The following MIER2 variants were observed in gnomAD, a reference collection of about 807,000 sequenced individuals.
The protein encoded by MIER2 is MIER family member 2.
A neutral mutation model predicts 67.6 loss-of-function variants in MIER2; 30 were observed. The ratio of observed to expected loss-of-function variants is 0.44; its 90% confidence interval spans 0.33 to 0.60. The LOEUF (loss-of-function observed/expected upper bound fraction) is 0.60. Among genes scored for constraint, MIER2 ranks in the 20% least tolerant of loss-of-function variants. The pLI is 0.02. For synonymous variants in MIER2, 372 were observed against 312.6 expected (o/e 1.19, Z -2.00); for missense variants, 702 against 745.1 (o/e 0.94, Z 0.67).
intron 10 of MIER2, among the ~76,000 whole-genome samples, chr19:309,389 A>T (rs920689766): frequency 5.9e-5 from 9 of 152,092 alleles, no homozygotes; most frequent in African/African-American, 2.2e-4. Flanking sequence ...CGGGAGGAAG[A>T]GGCACAAGCC....
chr19:330,534 G>A (rs563567555), intron 3 of MIER2, among the ~76,000 whole-genome samples: 59 of 146,220 alleles, frequency 4.0e-4, no homozygotes, highest in African/African-American at 5.8e-4. Flanking sequence ...GGGCGACAGC[G>A]AGACCCTGTC....
intron 1 of MIER2, chr19:344,520 CCGCGCCGCCG>C (rs1049485544): frequency 5.3e-5 from 19 of 358,940 alleles, no homozygotes; most frequent in Non-Finnish European, 6.6e-5. Flanking sequence ...CCCGCCCGCC[CCGCGCCGCCG>C]CGCATGCGCA....
At chr19:325,032 C>G (rs1049366515) in intron 7 of MIER2, among the ~76,000 whole-genome samples, 1 of 152,268 alleles carries the variant, frequency 6.6e-6, no homozygotes, top group African/African-American at 2.4e-5. Context: ...CACCACGCAT[C>G]TCAGCCACTG....
chr19:324,909 CTCCG>C (rs1971671258), intron 7 of MIER2, among the ~76,000 whole-genome samples: 1 of 152,238 alleles, frequency 6.6e-6, no homozygotes, highest in Non-Finnish European at 1.5e-5. Context: ...ACCTTCCTGG[CTCCG>C]TCCTCTTCTC....
chr19:313,682 C>A (rs765216057), intron 7 of MIER2, 39 bp from the exon 8 acceptor site: 1 of 1,594,202 alleles, frequency 6.3e-7, no homozygotes, highest in South Asian at 1.1e-5. Context: ...TGCAGGAACC[C>A]AATCTGCACC....
intron 7 of MIER2, among the ~76,000 whole-genome samples, chr19:324,370 C>T (rs1971637213): frequency 7.0e-6 from 1 of 142,538 alleles, no homozygotes; most frequent in Non-Finnish European, 1.5e-5. Flanking sequence ...AGGACACACA[C>T]AACCACACAG....
chr19:338,576 G>A (rs570382002), intron 1 of MIER2, among the ~76,000 whole-genome samples: 389 of 142,724 alleles, frequency 2.7e-3, no homozygotes, highest in African/African-American at 0.011. Context: ...CCCACGAGCC[G>A]ATTTCAAAAG....
rs372532381 is a variant in MIER2, at chr19:309,827, GAC to G, written c.985-904_985-903del. 5.5e-4 allele frequency among the ~76,000 whole-genome samples: 59 copies of G among 107,320 alleles called. 1 individual carries two copies. Among genetic ancestry groups the G allele is most frequent in the East Asian group, 3.8e-3 (14 of 3,650 alleles). The allele number at this position is 107,320 out of a possible 152,430, so 70.4% of individuals were successfully genotyped here. On this transcript the variant is annotated intron_variant, in intron 10 of 13. Coordinates refer to ENST00000264819, the MANE Select transcript of MIER2 (RefSeq NM_017550.3). The stretch of plus-strand genomic sequence containing the variant: ...ACAAGGCTTCAGGGAGACGAGAAGG[GAC>G]ACACACACACACGCACACAAGGCTT...
intron 7 of MIER2, among the ~76,000 whole-genome samples, chr19:323,939 A>ACAC (rs1491152805): frequency 2.1e-5 from 3 of 146,210 alleles, no homozygotes; most frequent in South Asian, 2.2e-4. Flanking sequence ...ACAATGCAAT[A>ACAC]AAGACACACA....
chr19:322,000 G>T (rs1278114092), intron 7 of MIER2, among the ~76,000 whole-genome samples: 1 of 152,110 alleles, frequency 6.6e-6, no homozygotes, highest in Non-Finnish European at 1.5e-5. Flanking sequence ...CGCCTCCCGG[G>T]TTCACGCCAT....
At chr19:315,054 C>T (rs183736447) in intron 7 of MIER2, among the ~76,000 whole-genome samples, 2 of 149,612 alleles carry the variant, frequency 1.3e-5, no homozygotes, top group South Asian at 2.1e-4. Context: ...CAGAGCAAGA[C>T]CCTGTCTCAG....
intron 1 of MIER2, chr19:344,163 C>A (rs1187291974): frequency 1.0e-6 from 1 of 985,314 alleles, no homozygotes; most frequent in Non-Finnish European, 1.2e-6. Context: ...TGAGATCAGC[C>A]CCGACGCTCT....
Position 306,452 on chromosome 19 carries a change from C to A in MIER2, c.*238G>T. 1.6e-6 allele frequency: 1 copy of A among 614,762 alleles called. No homozygotes were observed. The highest frequency in any genetic ancestry group is 2.8e-6 in the Non-Finnish European group (1 of 351,964). 38.1% of individuals were successfully genotyped at this position (614,762 alleles called of 1,614,324 possible). ...CCCACGTGCAGGCAGCGGCCCGGAC[C>A]CGGGTGGCAGTGCCGGGCGCTGACG... On this transcript the variant is annotated 3_prime_UTR_variant, in exon 14 of 14. Coordinates refer to ENST00000264819, the MANE Select transcript of MIER2 (RefSeq NM_017550.3).
intron 7 of MIER2, among the ~76,000 whole-genome samples, chr19:324,068 C>T (rs1456660111): frequency 1.7e-5 from 2 of 115,008 alleles, no homozygotes; most frequent in Non-Finnish European, 3.5e-5. Flanking sequence ...ACACAAGACA[C>T]ACACAACCAC....
intron 3 of MIER2, among the ~76,000 whole-genome samples, chr19:331,586 T>C (rs1225227986): frequency 6.6e-6 from 1 of 152,158 alleles, no homozygotes; most frequent in African/African-American, 2.4e-5. Flanking sequence ...GGAGCATCCC[T>C]TGAGCCCAGG....
chr19:325,193 G>A (rs1003286857), intron 7 of MIER2, among the ~76,000 whole-genome samples: 1 of 152,266 alleles, frequency 6.6e-6, no homozygotes, highest in African/African-American at 2.4e-5. Context: ...TAGTGGGAAA[G>A]AGACGAAGGT....
At chr19:309,743 G>GAC (rs755770007) in intron 10 of MIER2, among the ~76,000 whole-genome samples, 2 of 111,818 alleles carry the variant, frequency 1.8e-5, no homozygotes, top group Non-Finnish European at 3.6e-5. Context: ...CACGAGAAGG[G>GAC]ACACACACAC....
At chr19:317,531 AAAATAAATAAAT>A (rs370133340) in intron 7 of MIER2, among the ~76,000 whole-genome samples, 2,684 of 143,970 alleles carry the variant, frequency 0.019, 36 homozygotes, top group African/African-American at 0.039. Flanking sequence ...TGTCTCAGAA[AAAATAAATAAAT>A]AAATAAATAA....
chr19:332,170 C>G (rs1261956645), intron 3 of MIER2, among the ~76,000 whole-genome samples: 1 of 152,102 alleles, frequency 6.6e-6, no homozygotes, highest in Non-Finnish European at 1.5e-5. Flanking sequence ...CAGACGTGCA[C>G]CACCACGCCT....
Sources: allele counts gnomAD v4.1 joint callset (sites outside exome capture counted in the v4.1 genomes callset), GRCh38; gene constraint gnomAD v4.1.1; transcripts MANE v1.5; gene names NCBI Gene and HGNC (gene_info 2026-07-23, HGNC 2026-07-21).